The following SSC5D variants were observed in gnomAD, a reference collection of about 807,000 sequenced individuals.
SSC5D encodes the protein soluble scavenger receptor cysteine-rich domain-containing protein SSC5D.
In SSC5D, 106 loss-of-function variants were observed where a neutral mutation model predicts 104.6. The ratio of observed to expected loss-of-function variants is 1.01; its 90% CI spans 0.87 to 1.19. The LOEUF (loss-of-function observed/expected upper bound fraction) is 1.19. Ranked by LOEUF, SSC5D falls within the 50% of genes most tolerant of loss-of-function variation. The pLI is 0.00. For synonymous variants in SSC5D, 860 were observed against 883.5 expected (o/e 0.97, Z 0.47); for missense variants, 1,993 against 2,153.8 (o/e 0.93, Z 1.48).
At chr19:55,515,884 A>G (rs1436850661) in intron 13 of SSC5D, among the ~76,000 whole-genome samples, 4 of 152,146 alleles carry the variant, frequency 2.6e-5, no homozygotes, top group African/African-American at 9.7e-5. Context: ...CAGATGTGAG[A>G]TTTCATTGCC....
Position 55,499,906 on chromosome 19 carries a change from A to T in SSC5D, c.1796A>T (p.Glu599Val). Reference protein sequence around the residue: ...GRDRDAWLPGELATKPSASVT... With the variant: ...GRDRDAWLPGVLATKPSASVT... ...GATCGGGATGCCTGGCTCCCGGGAG[A>T]GCTGGCCACCAAGCCCTCTGCAAGT... Residue 599 changes from glutamate to valine, a missense_variant, in exon 10 of 14, where the codon GAG becomes GTG. By Grantham distance (121) the Glu-to-Val change is moderately radical. Coordinates refer to ENST00000389623, the MANE Select transcript of SSC5D (RefSeq NM_001144950.2). 6.4e-7 allele frequency: 1 copy of T among 1,551,586 alleles called. No homozygotes were observed. The highest frequency in any genetic ancestry group is 1.2e-5 in the South Asian group (1 of 84,042).
chr19:55,491,092 T>C lies in SSC5D; in HGVS notation c.895+12T>C. On this transcript the variant is annotated intron_variant, in intron 6 of 13. Transcript: ENST00000389623. ...GCTGGTCTGCACCGGTACGTCGGGC[T>C]GGGGCCTGGCCCCCTCCTGTCTTCC... 1 of 1,544,236 alleles carries C rather than the reference T, an allele frequency of 6.5e-7. No individual in the cohort carries two copies. Among genetic ancestry groups the C allele is most frequent in the Non-Finnish European group, 8.7e-7 (1 of 1,144,032 alleles).
rs1296401483 is a variant in SSC5D at position 55,503,579 on chromosome 19, G to A, written c.2785+2378G>A. ...TCTCACCGTCCCCGCCGCCCTCGCC[G>A]CTCCCTCACGGGAGGTTTCACTCCC... On this transcript the variant is annotated intron_variant, in intron 12 of 13. Transcript: ENST00000389623. This position sits in a 1 kb window ranked among gnomAD's most constrained non-coding sequence, Gnocchi z 4.0. Among the ~76,000 whole-genome samples, 3 of 151,448 alleles carry A rather than the reference G, an allele frequency of 2.0e-5. No individual in the cohort carries two copies. Among genetic ancestry groups the A allele is most frequent in the African/African-American group, 2.4e-5 (1 of 40,892 alleles).
chr19:55,513,172 G>A lies in SSC5D; in HGVS notation c.2947G>A (p.Gly983Ser). The A allele has an allele frequency of 6.7e-7, 1 of 1,492,224 alleles. No homozygotes were observed. The highest frequency in any genetic ancestry group is 9.0e-7 in the Non-Finnish European group (1 of 1,117,258). The allele number at this position is 1,492,224 out of a possible 1,614,324, so 92.4% of individuals were successfully genotyped here. ...AACTCTGAGAGTCCATGGAGACACAGGTGAGACACGTGGCTGGGGTGAGGA... is the reference window on the plus strand; with the variant it reads ...AACTCTGAGAGTCCATGGAGACACAAGTGAGACACGTGGCTGGGGTGAGGA... ...PPTLRVHGDT[G>S]SPRKPWPERR... The change falls in exon 13 of 14, where the codon GGT becomes AGT. Residue 983 changes from glycine to serine, a missense_variant and splice_region_variant. Coordinates refer to ENST00000389623, the MANE Select transcript of SSC5D (RefSeq NM_001144950.2).
rs945793965 is a variant in SSC5D, at chr19:55,500,047, T to C, written c.1937T>C (p.Met646Thr). The change falls in exon 10 of 14, where the codon ATG becomes ACG. Residue 646 changes from methionine (M) to threonine (T), a missense_variant. Coordinates refer to ENST00000389623, the MANE Select transcript of SSC5D (RefSeq NM_001144950.2). This position sits in a 1 kb window ranked among gnomAD's most constrained non-coding sequence, Gnocchi z 4.6. ...AGACCAACCACTCAACCCCCAGTGA[T>C]GCCAACCACGAAACACTCCAGGGCC... ...AKRPTTQPPV[M>T]PTTKHSRAQS... 1.9e-6 allele frequency: 3 copies of C among 1,551,690 alleles called. No homozygotes were observed. The highest frequency in any genetic ancestry group is 3.9e-5 in the Admixed American group (2 of 50,962).
rs1411079614 is a variant in SSC5D at position 55,497,867 on chromosome 19, T to C, written c.1388-13T>C. On this transcript the variant is annotated splice_polypyrimidine_tract_variant and intron_variant, in intron 8 of 13. Coordinates refer to ENST00000389623, the MANE Select transcript of SSC5D (RefSeq NM_001144950.2). The stretch of plus-strand genomic sequence containing the variant: ...TTCCCCGACTCTAATTCTTTGGGTC[T>C]CTTCTACCCCAGGGTCCCCCCAGCT... 8.6e-6 allele frequency: 13 copies of C among 1,510,412 alleles called. No individual in the cohort carries two copies. Among genetic ancestry groups the C allele is most frequent in the Non-Finnish European group, 1.1e-5 (12 of 1,122,408 alleles). The allele number at this position is 1,510,412 out of a possible 1,614,324, so 93.6% of individuals were successfully genotyped here.
Position 55,517,975 on chromosome 19 carries a change from C to T in SSC5D, c.3699C>T (p.Thr1233=). ...QPFTTMQPTT[T]PHSTTPHPTT... The stretch of plus-strand genomic sequence containing the variant: ...TCACCACCATGCAGCCCACCACAAC[C>T]CCTCACTCCACAACCCCTCACCCCA... The change falls in exon 14 of 14, where the codon ACC becomes ACT. Residue 1233 remains threonine, a synonymous_variant. Transcript: ENST00000389623. 2 of 1,423,054 alleles carry T rather than the reference C, an allele frequency of 1.4e-6. No homozygotes were observed. Among genetic ancestry groups the T allele is most frequent in the Non-Finnish European group, 9.2e-7 (1 of 1,090,692 alleles). 88.2% of individuals were successfully genotyped at this position (1,423,054 alleles called of 1,614,324 possible).
rs375504416 is a variant in SSC5D at position 55,498,215 on chromosome 19, A to G, written c.1705+18A>G. On this transcript the variant is annotated intron_variant, in intron 9 of 13. Transcript: ENST00000389623. ...CTGCACTGGTAAGGAGGCCCTAGCTATCTGTTGACTCCAGGAGGGCTTCCT... is the reference window on the plus strand; with the variant it reads ...CTGCACTGGTAAGGAGGCCCTAGCTGTCTGTTGACTCCAGGAGGGCTTCCT... 3 of 1,551,270 alleles carry G rather than the reference A, an allele frequency of 1.9e-6. No individual in the cohort carries two copies. The highest frequency in any genetic ancestry group is 2.6e-6 in the Non-Finnish European group (3 of 1,146,788).
intron 12 of SSC5D, among the ~76,000 whole-genome samples, chr19:55,512,320 A>T (rs594326): frequency 2.1e-5 from 3 of 144,548 alleles, no homozygotes; most frequent in East Asian, 2.0e-4. Flanking sequence ...ATACATTTAT[A>T]TGTTATATAA....
At position 55,489,948 on chromosome 19, in the gene SSC5D, T is replaced by A. The variant is rs977428149; in HGVS notation, c.428T>A (p.Leu143Gln). Reference protein sequence around the residue: ...SPLDGAPWPGLLLELSPSTEE... With the variant: ...SPLDGAPWPGQLLELSPSTEE... ...CTGGATGGGGCTCCCTGGCCAGGGC[T>A]GTTGCTGGAGCTGAGCCCCAGCACG... Residue 143 changes from leucine to glutamine, a missense_variant, in exon 4 of 14, where the codon CTG becomes CAG. Leu to Gln is a moderately radical substitution (Grantham distance 113). Around this residue, in one of 6 missense-constraint regions of SSC5D, gnomAD observed 1,101 missense variants for 1,085.0 expected, o/e 1.01. Coordinates refer to ENST00000389623, the MANE Select transcript of SSC5D (RefSeq NM_001144950.2). 3 of 1,549,502 alleles carry A rather than the reference T, an allele frequency of 1.9e-6. No individual in the cohort carries two copies. The highest frequency in any genetic ancestry group is 2.6e-6 in the Non-Finnish European group (3 of 1,146,594).
Position 55,500,287 on chromosome 19 carries a change from C to T in SSC5D, c.2177C>T (p.Ser726Phe). ...ACTCAAGGCCCCCAAGAAATGACCT[C>T]TGAGTCCACTATCAAGAGTATCCCT... The part of the protein sequence containing the change: ...LTTQGPQEMT[S>F]ESTIKSIPQA... Residue 726 changes from serine (S) to phenylalanine (F), a missense_variant, in exon 10 of 14, where the codon TCT becomes TTT. Physicochemically the swap from Ser to Phe is radical, Grantham distance 155. Coordinates refer to ENST00000389623, the MANE Select transcript of SSC5D (RefSeq NM_001144950.2). The surrounding 1 kb of genome is among the most constrained non-coding windows in gnomAD (Gnocchi z 4.6). The T allele has an allele frequency of 6.4e-7, 1 of 1,551,616 alleles. No homozygotes were observed. Among genetic ancestry groups the T allele is most frequent in the Non-Finnish European group, 8.7e-7 (1 of 1,146,994 alleles).
At chr19:55,504,786 C>A (rs967553366) in intron 12 of SSC5D, among the ~76,000 whole-genome samples, 1 of 152,116 alleles carries the variant, frequency 6.6e-6, no homozygotes, top group Non-Finnish European at 1.5e-5. Flanking sequence ...TGTGAGCCAC[C>A]GCGCCCGGCC....
At position 55,500,754 on chromosome 19, in the gene SSC5D, G is replaced by T; in HGVS notation, c.2567G>T (p.Trp856Leu). The change falls in exon 11 of 14, where the codon TGG becomes TTG. Residue 856 changes from tryptophan to leucine, a missense_variant. Physicochemically the swap from Trp to Leu is moderately conservative, Grantham distance 61 (BLOSUM62 -2). Coordinates refer to ENST00000389623, the MANE Select transcript of SSC5D (RefSeq NM_001144950.2). This position sits in a 1 kb window ranked among gnomAD's most constrained non-coding sequence, Gnocchi z 4.6. The part of the protein sequence containing the change: ...ASLSDCPSGA[W>L]GKHNCDHEED... Reference sequence around the variant, plus strand: ...CTGAGCGACTGCCCCTCGGGGGCTTGGGGGAAGCACAACTGTGACCACGAG... The same window carrying T: ...CTGAGCGACTGCCCCTCGGGGGCTTTGGGGAAGCACAACTGTGACCACGAG... The T allele has an allele frequency of 6.4e-7, 1 of 1,551,616 alleles. No homozygotes were observed. Among genetic ancestry groups the T allele is most frequent in the South Asian group, 1.2e-5 (1 of 84,058 alleles).
At chr19:55,495,390 C>A (rs1836703556) in intron 8 of SSC5D, among the ~76,000 whole-genome samples, 1 of 145,478 alleles carries the variant, frequency 6.9e-6, no homozygotes, top group Admixed American at 7.1e-5. Context: ...GCTGGGACTA[C>A]TAATTTTTTG....
chr19:55,502,179 G>C (rs1987522526), intron 12 of SSC5D, among the ~76,000 whole-genome samples: 1 of 152,102 alleles, frequency 6.6e-6, no homozygotes, highest in Non-Finnish European at 1.5e-5. Context: ...GCTTATGTCT[G>C]GGTTTATAAG....
In SSC5D at chr19:55,518,568, C is replaced by T. The variant is rs1376843707; in HGVS notation, c.4292C>T (p.Ala1431Val). The change falls in exon 14 of 14, where the codon GCC becomes GTC. Residue 1431 changes from alanine to valine, a missense_variant. Physicochemically the swap from Ala to Val is moderately conservative, Grantham distance 64 (BLOSUM62 0). Around this residue, in one of 6 missense-constraint regions of SSC5D, gnomAD observed 349 missense variants for 397.6 expected, o/e 0.88. Coordinates refer to ENST00000389623, the MANE Select transcript of SSC5D (RefSeq NM_001144950.2). Reference sequence around the variant, plus strand: ...CCACCCACCCATACCCCACACTCAGCCTCTGACCTTACTGTGTCCCCTGAC... The same window carrying T: ...CCACCCACCCATACCCCACACTCAGTCTCTGACCTTACTGTGTCCCCTGAC... ...TPPPTHTPHS[A>V]SDLTVSPDPL... 7.1e-6 allele frequency: 11 copies of T among 1,546,344 alleles called. No homozygotes were observed. Among genetic ancestry groups the T allele is most frequent in the Non-Finnish European group, 9.6e-6 (11 of 1,144,456 alleles).
rs114532247 is a variant in SSC5D, at chr19:55,504,166, A to G, written c.2785+2965A>G. 2,156 of 1,535,616 alleles carry G rather than the reference A, an allele frequency of 1.4e-3. 22 individuals carry two copies. In the African/African-American group the frequency reaches 0.024, roughly 17 times the overall value. ...TGATGCTCCTCGTTCAAGGACTGCCAGGGTTGCAGCGCCTCCCTAGCCCAT... is the reference window on the plus strand; with the variant it reads ...TGATGCTCCTCGTTCAAGGACTGCCGGGGTTGCAGCGCCTCCCTAGCCCAT... On this transcript the variant is annotated intron_variant, in intron 12 of 13. Coordinates refer to ENST00000389623, the MANE Select transcript of SSC5D (RefSeq NM_001144950.2).
rs947899428 is a variant in SSC5D, at chr19:55,503,230, T to C, written c.2785+2029T>C. 7.9e-5 allele frequency among the ~76,000 whole-genome samples: 12 copies of C among 152,168 alleles called. No individual in the cohort carries two copies. The highest frequency in any genetic ancestry group is 2.2e-4 in the African/African-American group (9 of 41,442). ...TGCTGGAATTGCAGGCGGGAGCCAC[T>C]GGGCCCAAACTGTTTCTGTATCTTC... On this transcript the variant is annotated intron_variant, in intron 12 of 13. Transcript: ENST00000389623. The surrounding 1 kb of genome is among the most constrained non-coding windows in gnomAD (Gnocchi z 4.0).
chr19:55,493,459 T>C lies in SSC5D; in HGVS notation c.896-136T>C. Reference sequence around the variant, plus strand: ...CCAGTGACTTCCTGTCTTGGAACCTTTTCCTCATTTGGATAGTGAAGATGG... The same window carrying C: ...CCAGTGACTTCCTGTCTTGGAACCTCTTCCTCATTTGGATAGTGAAGATGG... On this transcript the variant is annotated intron_variant, in intron 6 of 13. Transcript: ENST00000389623. The C allele has an allele frequency of 3.7e-6, 3 of 803,184 alleles. No homozygotes were observed. The South Asian group carries it at 6.8e-5, about 18-fold the overall frequency. 49.8% of individuals were successfully genotyped at this position (803,184 alleles called of 1,614,324 possible). A position where few individuals can be genotyped will look rare whatever the true frequency, so the allele number is the denominator to read the frequency against.
Sources: gnomAD v4.1 joint callset for allele counts (sites outside exome capture counted in the v4.1 genomes callset) on GRCh38, gnomAD v4.1.1 for gene constraint, gnomAD v4.1.1 regional missense constraint, Gnocchi (gnomAD v3.1) non-coding constraint, MANE v1.5 for transcripts, NCBI Gene and HGNC (gene_info 2026-07-23, HGNC 2026-07-21) for gene names.